Variants in BRIP1 observed in about 807,000 individuals in gnomAD.
BRIP1 encodes Fanconi anemia group J protein.
A neutral mutation model predicts 119.7 loss-of-function variants in BRIP1; 88 were observed. That is an observed-to-expected ratio of 0.74 (90% confidence interval 0.62 to 0.88). The LOEUF (loss-of-function observed/expected upper bound fraction) is 0.88, where lower values mean the gene tolerates loss of function less well. Ranked by LOEUF, BRIP1 falls within the 40% of genes least tolerant of loss-of-function variation. The probability of loss-of-function intolerance (pLI) is 0.00; values close to 1 mark genes in which losing one functional copy is unlikely to be tolerated. For missense variants in BRIP1, 1,259 were observed against 1,455.4 expected, an observed-to-expected ratio of 0.87 and a Z score of 2.20; for synonymous variants, 443 against 496.5, an observed-to-expected ratio of 0.89 and a Z score of 1.43.
In BRIP1 at chr17:61,770,115, A is replaced by G. The variant is rs2077426518; in HGVS notation, c.2097+6286T>C. On this transcript the variant is annotated intron_variant, in intron 14 of 19. Coordinates refer to ENST00000259008, the MANE Select transcript of BRIP1 (RefSeq NM_032043.3). This position sits in a 1 kb window ranked among gnomAD's most constrained non-coding sequence, Gnocchi z 4.7. Reference sequence around the variant, plus strand: ...ATCCTTATCCAACATGAGGGAAGGGATCATTTCCTAAACTGCAGCTCCCTG... The same window carrying G: ...ATCCTTATCCAACATGAGGGAAGGGGTCATTTCCTAAACTGCAGCTCCCTG... 6.6e-6 allele frequency among the ~76,000 whole-genome samples: 1 copy of G among 152,242 alleles called. No homozygotes were observed. The highest frequency in any genetic ancestry group is 1.5e-5 in the Non-Finnish European group (1 of 68,046).
chr17:61,849,685 C>T (rs2078789475), intron 4 of BRIP1, among the ~76,000 whole-genome samples: 1 of 152,200 alleles, frequency 6.6e-6, no homozygotes, highest in Admixed American at 6.5e-5. Flanking sequence ...GTCTTTTAAT[C>T]CCATAATCCT....
At position 61,796,431 on chromosome 17, in the gene BRIP1, T is replaced by C. The variant is rs1170227058; in HGVS notation, c.1340+2669A>G. Reference sequence around the variant, plus strand: ...TAATCTATTTTGATTTGATTTTTGTTAATGGTGAAAGATAGGGGTCTTGTT... The same window carrying C: ...TAATCTATTTTGATTTGATTTTTGTCAATGGTGAAAGATAGGGGTCTTGTT... On this transcript the variant is annotated intron_variant, in intron 9 of 19. Transcript: ENST00000259008. The surrounding 1 kb of genome is among the most constrained non-coding windows in gnomAD (Gnocchi z 4.8). 1.3e-5 allele frequency among the ~76,000 whole-genome samples: 2 copies of C among 152,198 alleles called. No individual in the cohort carries two copies. The highest frequency in any genetic ancestry group is 1.9e-4 in the East Asian group (1 of 5,178).
intron 10 of BRIP1, among the ~76,000 whole-genome samples, chr17:61,785,497 A>T (rs1398231467): frequency 6.6e-6 from 1 of 152,232 alleles, no homozygotes; most frequent in African/African-American, 2.4e-5. Flanking sequence ...TAAATAAGAA[A>T]GATACATTTT....
Position 61,691,584 on chromosome 17 carries a change from T to A in BRIP1, c.2575+1846A>T, listed in dbSNP as rs1016431880. Among the ~76,000 whole-genome samples, 4 of 152,108 alleles carry A rather than the reference T, an allele frequency of 2.6e-5. No individual in the cohort carries two copies. Among genetic ancestry groups the A allele is most frequent in the African/African-American group, 9.7e-5 (4 of 41,418 alleles). On this transcript the variant is annotated intron_variant, in intron 18 of 19. Coordinates refer to ENST00000259008, the MANE Select transcript of BRIP1 (RefSeq NM_032043.3). This position sits in a 1 kb window ranked among gnomAD's most constrained non-coding sequence, Gnocchi z 5.0. ...CATTCTCCTGCCTCAGCCTCCAGAATAGTTGAGATTACAGGCACCCGCCAC... is the reference window on the plus strand; with the variant it reads ...CATTCTCCTGCCTCAGCCTCCAGAAAAGTTGAGATTACAGGCACCCGCCAC...
rs572801190 is a variant in BRIP1 at position 61,736,138 on chromosome 17, C to G, written c.2379+6875G>C. On this transcript the variant is annotated intron_variant, in intron 16 of 19. Transcript: ENST00000259008. The surrounding 1 kb of genome is among the most constrained non-coding windows in gnomAD (Gnocchi z 4.4). ...GCCAGGAGTTCAAGGCCAGCTTGTA[C>G]AACATAGCAAGACCTCGCCTCTCCA... Among the ~76,000 whole-genome samples the G allele has an allele frequency of 1.0e-4, 15 of 150,698 alleles. 1 individual carries two copies. Among genetic ancestry groups the G allele is most frequent in the Admixed American group, 8.6e-4 (13 of 15,152 alleles).
rs558717927 is a variant in BRIP1, at chr17:61,841,052, C to A, written c.627+6049G>T. Among the ~76,000 whole-genome samples, 29 of 152,250 alleles carry A rather than the reference C, an allele frequency of 1.9e-4. No individual in the cohort carries two copies. The highest frequency in any genetic ancestry group is 7.0e-4 in the African/African-American group (29 of 41,568). ...GAAAAAACTAGATCCCTCTCACCAT[C>A]TACAAAAACCAACTCAAAATAGATT... On this transcript the variant is annotated intron_variant, in intron 6 of 19. Transcript: ENST00000259008. This position sits in a 1 kb window ranked among gnomAD's most constrained non-coding sequence, Gnocchi z 4.1.
chr17:61,700,855 G>C lies in BRIP1; in HGVS notation c.2493-7343C>G, dbSNP rs2061603536. Among the ~76,000 whole-genome samples, 1 of 151,826 alleles carries C rather than the reference G, an allele frequency of 6.6e-6. No homozygotes were observed. Among genetic ancestry groups the C allele is most frequent in the Non-Finnish European group, 1.5e-5 (1 of 67,974 alleles). Reference sequence around the variant, plus strand: ...GTTGTTCTTCATTCTTTTTCTTTCTGTTCTTCAGAGTAAATAATCTCAATT... The same window carrying C: ...GTTGTTCTTCATTCTTTTTCTTTCTCTTCTTCAGAGTAAATAATCTCAATT... On this transcript the variant is annotated intron_variant, in intron 17 of 19. Coordinates refer to ENST00000259008, the MANE Select transcript of BRIP1 (RefSeq NM_032043.3). The surrounding 1 kb of genome is among the most constrained non-coding windows in gnomAD (Gnocchi z 4.1).
In BRIP1 at chr17:61,808,405, T is replaced by C. The variant is rs2078105033; in HGVS notation, c.918+62A>G. On this transcript the variant is annotated intron_variant, in intron 7 of 19. Transcript: ENST00000259008. This position sits in a 1 kb window ranked among gnomAD's most constrained non-coding sequence, Gnocchi z 4.1. ...CACTAAAATGTACATATAAAACACA[T>C]ACTGAGTAATTTAAATATTTTCAGC... 9 of 1,492,340 alleles carry C rather than the reference T, an allele frequency of 6.0e-6. No homozygotes were observed. Among genetic ancestry groups the C allele is most frequent in the Non-Finnish European group, 8.4e-6 (9 of 1,072,966 alleles). 92.4% of individuals were successfully genotyped at this position (1,492,340 alleles called of 1,614,324 possible).
chr17:61,708,995 G>A lies in BRIP1; in HGVS notation c.2492+6956C>T, dbSNP rs2061734599. On this transcript the variant is annotated intron_variant, in intron 17 of 19. Transcript: ENST00000259008. The surrounding 1 kb of genome is among the most constrained non-coding windows in gnomAD (Gnocchi z 4.4). ...TTTAATACGTCCTCAGCTGTGCCTG[G>A]TGTTGAAGAATACAGAGTCTCTGTT... 6.6e-6 allele frequency among the ~76,000 whole-genome samples: 1 copy of A among 152,098 alleles called. No individual in the cohort carries two copies. The highest frequency in any genetic ancestry group is 2.4e-5 in the African/African-American group (1 of 41,406).
intron 6 of BRIP1, among the ~76,000 whole-genome samples, chr17:61,826,439 A>G (rs958491466): frequency 6.6e-6 from 1 of 152,206 alleles, no homozygotes; most frequent in Non-Finnish European, 1.5e-5. Context: ...AAACGAAACT[A>G]TCAACAAAGT....
Position 61,758,487 on chromosome 17 carries a change from A to G in BRIP1, c.2098-13896T>C, listed in dbSNP as rs1355002017. Among the ~76,000 whole-genome samples, 3 of 152,310 alleles carry G rather than the reference A, an allele frequency of 2.0e-5. No individual in the cohort carries two copies. The East Asian group carries it at 5.8e-4, about 29-fold the overall frequency. On this transcript the variant is annotated intron_variant, in intron 14 of 19. Transcript: ENST00000259008. This position sits in a 1 kb window ranked among gnomAD's most constrained non-coding sequence, Gnocchi z 5.3. ...GAATCTGCTGTAAATTTGTTGCTCTAAAACTTGAAAGAAATTTTTTGGAGA... is the reference window on the plus strand; with the variant it reads ...GAATCTGCTGTAAATTTGTTGCTCTGAAACTTGAAAGAAATTTTTTGGAGA...
chr17:61,840,012 T>A (rs1472595346), intron 6 of BRIP1, among the ~76,000 whole-genome samples: 1 of 152,106 alleles, frequency 6.6e-6, no homozygotes, highest in African/African-American at 2.4e-5. Flanking sequence ...GTGCTTATGG[T>A]CAAGCGGTTT....
In BRIP1 at chr17:61,709,414, A is replaced by G. The variant is rs2061739778; in HGVS notation, c.2492+6537T>C. ...TTTTCTACAAAGACAAAAAAAATCT[A>G]AATTTTATAGGGCATTATTTTTTGA... is the stretch of plus-strand genomic sequence containing the variant. On this transcript the variant is annotated intron_variant, in intron 17 of 19. Coordinates refer to ENST00000259008, the MANE Select transcript of BRIP1 (RefSeq NM_032043.3). This position sits in a 1 kb window ranked among gnomAD's most constrained non-coding sequence, Gnocchi z 5.0. Among the ~76,000 whole-genome samples, 1 of 152,150 alleles carries G rather than the reference A, an allele frequency of 6.6e-6. No homozygotes were observed. Among genetic ancestry groups the G allele is most frequent in the Non-Finnish European group, 1.5e-5 (1 of 68,038 alleles).
In BRIP1 at chr17:61,739,896, G is replaced by A. The variant is rs187257768; in HGVS notation, c.2379+3117C>T. Among the ~76,000 whole-genome samples the A allele has an allele frequency of 6.6e-6, 1 of 152,082 alleles. No individual in the cohort carries two copies. The highest frequency in any genetic ancestry group is 1.5e-5 in the Non-Finnish European group (1 of 67,998). On this transcript the variant is annotated intron_variant, in intron 16 of 19. Coordinates refer to ENST00000259008, the MANE Select transcript of BRIP1 (RefSeq NM_032043.3). The surrounding 1 kb of genome is among the most constrained non-coding windows in gnomAD (Gnocchi z 6.0). Reference sequence around the variant, plus strand: ...ATTACTATAGTTTTTCAAATATATTGTTTAGGAAACAGTCAGTGATAATGA... The same window carrying A: ...ATTACTATAGTTTTTCAAATATATTATTTAGGAAACAGTCAGTGATAATGA...
rs1452816081 is a variant in BRIP1 at position 61,700,044 on chromosome 17, C to T, written c.2493-6532G>A. 1.3e-5 allele frequency among the ~76,000 whole-genome samples: 2 copies of T among 152,042 alleles called. No homozygotes were observed. Among genetic ancestry groups the T allele is most frequent in the African/African-American group, 4.8e-5 (2 of 41,392 alleles). On this transcript the variant is annotated intron_variant, in intron 17 of 19. Coordinates refer to ENST00000259008, the MANE Select transcript of BRIP1 (RefSeq NM_032043.3). This position sits in a 1 kb window ranked among gnomAD's most constrained non-coding sequence, Gnocchi z 4.1. ...TGTTTTGTTCTCTTTGCTGACTGTG[C>T]TTGGTGTCGTTTCACTGTAATAAAT...
rs1457372313 is a variant in BRIP1 at position 61,823,899 on chromosome 17, C to T, written c.628-15142G>A. 6.6e-6 allele frequency among the ~76,000 whole-genome samples: 1 copy of T among 152,100 alleles called. No homozygotes were observed. The highest frequency in any genetic ancestry group is 1.5e-5 in the Non-Finnish European group (1 of 68,002). On this transcript the variant is annotated intron_variant, in intron 6 of 19. Coordinates refer to ENST00000259008, the MANE Select transcript of BRIP1 (RefSeq NM_032043.3). The surrounding 1 kb of genome is among the most constrained non-coding windows in gnomAD (Gnocchi z 4.8). ...AGTGATCTCAGCTCACTGCAACCTC[C>T]GCCTCCTGGGTTCAAGTGATTCTCC...
intron 5 of BRIP1, 80 bp downstream of exon 5, chr17:61,849,048 AG>A: frequency 1.4e-6 from 2 of 1,463,592 alleles, no homozygotes; most frequent in East Asian, 4.5e-5. Flanking sequence ...AATCTCCACA[AG>A]TGCATTAAAA....
In BRIP1 at chr17:61,845,840, T is replaced by C. The variant is rs2078719849; in HGVS notation, c.627+1261A>G. Among the ~76,000 whole-genome samples, 1 of 152,216 alleles carries C rather than the reference T, an allele frequency of 6.6e-6. No homozygotes were observed. The highest frequency in any genetic ancestry group is 2.1e-4 in the South Asian group (1 of 4,826). On this transcript the variant is annotated intron_variant, in intron 6 of 19. Coordinates refer to ENST00000259008, the MANE Select transcript of BRIP1 (RefSeq NM_032043.3). The surrounding 1 kb of genome is among the most constrained non-coding windows in gnomAD (Gnocchi z 4.2). Reference sequence around the variant, plus strand: ...AACGGCTGAGATTAAATAAAATTAGTAATTTTTACTGCTTCATCAAAGACA... The same window carrying C: ...AACGGCTGAGATTAAATAAAATTAGCAATTTTTACTGCTTCATCAAAGACA...
rs976371980 is a variant in BRIP1, at chr17:61,717,784, T to C, written c.2380-1721A>G. ...ATATTATTCTGCCTCGAAACTCTTC[T>C]TCTTAGACTCCAATTACAACTATAT... On this transcript the variant is annotated intron_variant, in intron 16 of 19. Transcript: ENST00000259008. This position sits in a 1 kb window ranked among gnomAD's most constrained non-coding sequence, Gnocchi z 4.1. Among the ~76,000 whole-genome samples, 4 of 152,122 alleles carry C rather than the reference T, an allele frequency of 2.6e-5. No homozygotes were observed. Among genetic ancestry groups the C allele is most frequent in the African/African-American group, 7.2e-5 (3 of 41,438 alleles).
Sources: allele counts gnomAD v4.1 joint callset (sites outside exome capture counted in the v4.1 genomes callset), GRCh38; gene constraint gnomAD v4.1.1; non-coding constraint Gnocchi (gnomAD v3.1); transcripts MANE v1.5; gene names NCBI Gene and HGNC (gene_info 2026-07-23, HGNC 2026-07-21).